OLFM3: variants seen among roughly 807,000 people sequenced by gnomAD.
The protein encoded by OLFM3 is noelin-3.
A neutral mutation model predicts 48.6 loss-of-function variants in OLFM3; 20 were observed. The ratio of observed to expected loss-of-function variants is 0.41; its 90% CI spans 0.29 to 0.60. The LOEUF (loss-of-function observed/expected upper bound fraction) is 0.60. OLFM3 is among the 20% of genes least tolerant of loss of function. The pLI, the probability that OLFM3 is intolerant of heterozygous loss-of-function variation, is 0.28. For missense variants in OLFM3, 437 were observed against 544.3 expected (o/e 0.80, Z 1.96); for synonymous variants, 222 against 198.1 (o/e 1.12, Z -1.01).
In OLFM3 at chr1:101,830,756, T is replaced by A; in HGVS notation, c.288A>T (p.Lys96Asn). ...TCAGCCCTTTCATTTGGGTTTCCAT[T>A]TTTAAAACATATTGGAAATCTCTCT... ...RTQRDFQYVLKMETQMKGLKA... is the reference protein window; with the variant it reads ...RTQRDFQYVLNMETQMKGLKA... Residue 96 changes from lysine to asparagine, a missense_variant, in exon 3 of 6, where the codon AAA (lysine) becomes AAT (asparagine). Physicochemically the swap from Lys to Asn is moderately conservative, Grantham distance 94 (BLOSUM62 0). This residue lies in a region of OLFM3 where 314 missense variants were observed against 365.5 expected (regional missense o/e 0.86). Coordinates refer to ENST00000370103, the MANE Select transcript of OLFM3 (RefSeq NM_058170.4). 6.2e-7 allele frequency: 1 copy of A among 1,614,154 alleles called. No homozygotes were observed. The highest frequency in any genetic ancestry group is 8.5e-7 in the Non-Finnish European group (1 of 1,179,990).
chr1:101,891,144 T>C (rs1380309073), intron 1 of OLFM3, among the ~76,000 whole-genome samples: 4 of 152,006 alleles, frequency 2.6e-5, no homozygotes, highest in Non-Finnish European at 5.9e-5. Context: ...AGACTGTTCT[T>C]GGTGCAAAAG....
At chr1:101,845,933 C>T (rs1570556137) in intron 1 of OLFM3, among the ~76,000 whole-genome samples, 1 of 152,308 alleles carries the variant, frequency 6.6e-6, no homozygotes, top group East Asian at 1.9e-4. Flanking sequence ...CTTTCCATAT[C>T]TGACTTTTTC....
chr1:101,837,111 CT>C (rs35344524), intron 1 of OLFM3, 86 bp from the exon 2 acceptor site: 1 of 1,331,174 alleles, frequency 7.5e-7, no homozygotes, highest in Non-Finnish European at 1.0e-6. Flanking sequence ...AAGTAAAACA[CT>C]TTTTTGATAA....
At position 101,890,122 on chromosome 1, in the gene OLFM3, A is replaced by G. The variant is rs890426123; in HGVS notation, c.70-53097T>C. Among the ~76,000 whole-genome samples, 10 of 152,182 alleles carry G rather than the reference A, an allele frequency of 6.6e-5. No homozygotes were observed. In the South Asian group the frequency reaches 2.1e-3, roughly 32 times the overall value. On this transcript the variant is annotated intron_variant, in intron 1 of 5. Coordinates refer to ENST00000370103, the MANE Select transcript of OLFM3 (RefSeq NM_058170.4). ...TCTTGGAAAATAATAGCTTTTAATG[A>G]TCTTGGAACATAATGATCTTGGAAA...
intron 1 of OLFM3, among the ~76,000 whole-genome samples, chr1:101,861,276 G>A (rs1053097146): frequency 2.0e-5 from 3 of 150,886 alleles, no homozygotes; most frequent in Non-Finnish European, 4.4e-5. Flanking sequence ...TAGCCAGGCT[G>A]GTATGGAACT....
chr1:101,848,662 TAGC>T (rs1656108367), intron 1 of OLFM3, among the ~76,000 whole-genome samples: 1 of 152,192 alleles, frequency 6.6e-6, no homozygotes, highest in Admixed American at 6.5e-5. Context: ...GTATTAAACT[TAGC>T]AGAAAGCCCT....
At chr1:101,916,292 T>C (rs1658922833) in intron 1 of OLFM3, among the ~76,000 whole-genome samples, 1 of 152,180 alleles carries the variant, frequency 6.6e-6, no homozygotes, top group Non-Finnish European at 1.5e-5. Flanking sequence ...GGTGGCATAA[T>C]AAATTTTAAA....
chr1:101,809,729 AC>A (rs1319365227), intron 4 of OLFM3, among the ~76,000 whole-genome samples: 1 of 151,866 alleles, frequency 6.6e-6, no homozygotes, highest in Non-Finnish European at 1.5e-5. Flanking sequence ...CTCTAGAGAA[AC>A]TGGGTAATGC....
intron 1 of OLFM3, among the ~76,000 whole-genome samples, chr1:101,872,344 C>A (rs1657114299): frequency 6.6e-6 from 1 of 151,638 alleles, no homozygotes; most frequent in African/African-American, 2.4e-5. Context: ...GTGGCTATGG[C>A]AAGAGTTCAG....
intron 1 of OLFM3, among the ~76,000 whole-genome samples, chr1:101,858,798 C>T (rs1656530266): frequency 6.6e-6 from 1 of 152,068 alleles, no homozygotes; most frequent in Non-Finnish European, 1.5e-5. Context: ...AGCCATGCTT[C>T]CTGTACAGCC....
chr1:101,980,266 G>A (rs547004432), intron 1 of OLFM3, among the ~76,000 whole-genome samples: 5 of 152,098 alleles, frequency 3.3e-5, no homozygotes, highest in Non-Finnish European at 7.4e-5. Flanking sequence ...GATTGGTTTT[G>A]AAATATGAAA....
At chr1:101,934,178 T>TA (rs936051529) in intron 1 of OLFM3, among the ~76,000 whole-genome samples, 10 of 152,152 alleles carry the variant, frequency 6.6e-5, no homozygotes, top group African/African-American at 2.4e-4. Flanking sequence ...AGGCTAGTTG[T>TA]AAAAAGAAGC....
At chr1:101,932,721 T>C (rs1385782183) in intron 1 of OLFM3, among the ~76,000 whole-genome samples, 3 of 152,150 alleles carry the variant, frequency 2.0e-5, no homozygotes, top group African/African-American at 7.2e-5. Context: ...AGAACCAGCA[T>C]AATAACTCTG....
chr1:101,964,227 G>A (rs138772885), intron 1 of OLFM3, among the ~76,000 whole-genome samples: 28 of 152,244 alleles, frequency 1.8e-4, no homozygotes, highest in Admixed American at 1.8e-3. Flanking sequence ...AGAACAGCAA[G>A]TACTAAAACA....
At chr1:101,924,028 GA>G (rs1185470171) in intron 1 of OLFM3, among the ~76,000 whole-genome samples, 1 of 152,100 alleles carries the variant, frequency 6.6e-6, no homozygotes, top group East Asian at 1.9e-4. Flanking sequence ...AACCATTGTT[GA>G]GAACTGAAAA....
At position 101,804,383 on chromosome 1, in the gene OLFM3, T is replaced by G; in HGVS notation, c.1232A>C (p.Asp411Ala). 6.2e-7 allele frequency: 1 copy of G among 1,612,550 alleles called. No homozygotes were observed. Among genetic ancestry groups the G allele is most frequent in the Non-Finnish European group, 8.5e-7 (1 of 1,178,954 alleles). Residue 411 changes from aspartate to alanine, a missense_variant, in exon 6 of 6, where the codon GAC becomes GCC. This residue lies in a region of OLFM3 where 108 missense variants were observed against 135.8 expected (regional missense o/e 0.80). Coordinates refer to ENST00000370103, the MANE Select transcript of OLFM3 (RefSeq NM_058170.4). This position sits in a 1 kb window ranked among gnomAD's most constrained non-coding sequence, Gnocchi z 4.5. Reference protein sequence around the residue: ...STKTSTYEYTDIPFHNQYFHI... With the variant: ...STKTSTYEYTAIPFHNQYFHI... ...AAAGTATTGGTTATGGAAGGGAATG[T>G]CTGTGTACTCATATGTGGAGGTTTT...
intron 1 of OLFM3, among the ~76,000 whole-genome samples, chr1:101,970,414 T>G (rs1266181169): frequency 1.3e-5 from 2 of 152,238 alleles, no homozygotes; most frequent in African/African-American, 4.8e-5. Context: ...GAGGAGAAGA[T>G]GAAGACAAAG....
chr1:101,839,154 T>A (rs1655584580), intron 1 of OLFM3, among the ~76,000 whole-genome samples: 1 of 152,178 alleles, frequency 6.6e-6, no homozygotes, highest in Non-Finnish European at 1.5e-5. Context: ...CTAACTCCTT[T>A]AAAAAAATTA....
intron 3 of OLFM3, 106 bp downstream of exon 3, chr1:101,830,566 T>C: frequency 4.2e-6 from 5 of 1,184,676 alleles, no homozygotes; most frequent in Non-Finnish European, 5.0e-6. Context: ...TCTTTTACCT[T>C]GCACATATGG....
Sources: gnomAD v4.1 joint callset for allele counts (sites outside exome capture counted in the v4.1 genomes callset) on GRCh38, gnomAD v4.1.1 for gene constraint, gnomAD v4.1.1 regional missense constraint, Gnocchi (gnomAD v3.1) non-coding constraint, MANE v1.5 for transcripts, NCBI Gene and HGNC (gene_info 2026-07-23, HGNC 2026-07-21) for gene names.